Variants in CEBPZ observed in about 807,000 individuals in gnomAD.
CEBPZ encodes the protein CCAAT/enhancer-binding protein zeta.
Under a neutral mutation model 104.5 loss-of-function variants are expected in CEBPZ, and 78 were observed. That is an observed-to-expected ratio of 0.75 (90% CI 0.62 to 0.90). The LOEUF is 0.90. CEBPZ is among the 40% of genes least tolerant of loss of function. The pLI is 0.00. For missense variants in CEBPZ, 1,439 were observed against 1,233.5 expected (o/e 1.17, Z -2.50); for synonymous variants, 470 against 427.0 (o/e 1.10, Z -1.24).
At chr2:37,220,826 T>C (rs941487260) in intron 4 of CEBPZ, among the ~76,000 whole-genome samples, 9 of 151,640 alleles carry the variant, frequency 5.9e-5, no homozygotes, top group Admixed American at 1.3e-4. Context: ...CCCCATCTCT[T>C]ACAAAAAATA....
rs201335164 is a variant in CEBPZ, at chr2:37,228,779, C to T, written c.414G>A (p.Lys138=). The T allele has an allele frequency of 6.2e-7, 1 of 1,613,400 alleles. No individual in the cohort carries two copies. Among genetic ancestry groups the T allele is most frequent in the South Asian group, 1.1e-5 (1 of 90,802 alleles). ...GTTCTGGCCTATTCTTATTTTTCAC[C>T]TTATTAACTGATGTCCTTTGACTTT... ...TAESQRTSVN[K]VKNKNRPEPH... The change falls in exon 2 of 16, where the codon AAG becomes AAA. Residue 138 remains lysine (K), a synonymous_variant. Coordinates refer to ENST00000234170, the MANE Select transcript of CEBPZ (RefSeq NM_005760.3).
chr2:37,214,169 T>A (rs17020309), intron 9 of CEBPZ, among the ~76,000 whole-genome samples: 3,330 of 152,232 alleles, frequency 0.022, 72 homozygotes, highest in African/African-American at 0.061. Context: ...TGTAATACAT[T>A]TCAAAGATAA....
intron 13 of CEBPZ, 113 bp downstream of exon 13, chr2:37,210,886 C>A (rs1306214975): frequency 5.6e-6 from 3 of 540,236 alleles, no homozygotes; most frequent in Non-Finnish European, 9.1e-6. Flanking sequence ...AAAAAGAACC[C>A]CCCCCACCCC....
At chr2:37,202,151 C>A in intron 15 of CEBPZ, 1 of 259,142 alleles carries the variant, frequency 3.9e-6, no homozygotes, top group South Asian at 1.5e-4. Flanking sequence ...TCCCCAAGCA[C>A]TTTTACTGGT....
At chr2:37,207,665 T>G (rs1393398243) in intron 13 of CEBPZ, among the ~76,000 whole-genome samples, 1 of 152,128 alleles carries the variant, frequency 6.6e-6, no homozygotes, top group Non-Finnish European at 1.5e-5. Flanking sequence ...CTACATTTAG[T>G]AAGTTCACAG....
At chr2:37,223,109 C>CA in intron 3 of CEBPZ, 61 bp downstream of exon 3, 1 of 1,403,716 alleles carries the variant, frequency 7.1e-7, no homozygotes, top group East Asian at 2.3e-5. Context: ...CAAAGAAAAA[C>CA]AAAACAAAAA....
chr2:37,216,115 T>C, intron 8 of CEBPZ, 25 bp downstream of exon 8: 2 of 1,539,938 alleles, frequency 1.3e-6, no homozygotes, highest in South Asian at 2.3e-5. Context: ...CTTTTCAGTT[T>C]CAACTGTCTA....
chr2:37,227,749 T>C lies in CEBPZ; in HGVS notation c.1444A>G (p.Met482Val). 6.2e-7 allele frequency: 1 copy of C among 1,613,932 alleles called. No homozygotes were observed. The highest frequency in any genetic ancestry group is 8.5e-7 in the Non-Finnish European group (1 of 1,179,984). ...ACACCTGTTAAAAGGGCGCTAAGCA[T>C]TTTTGATTCAACATCTTTTTTTTTG... ...CVKKKDVESK[M>V]LSALLTGVNR... The change falls in exon 2 of 16, where the codon ATG becomes GTG. Residue 482 changes from methionine (M) to valine (V), a missense_variant. Physicochemically the swap from Met to Val is conservative, Grantham distance 21 (BLOSUM62 1). Coordinates refer to ENST00000234170, the MANE Select transcript of CEBPZ (RefSeq NM_005760.3).
intron 11 of CEBPZ, 86 bp downstream of exon 11, chr2:37,212,249 C>A: frequency 8.2e-7 from 1 of 1,217,660 alleles, no homozygotes; most frequent in Admixed American, 1.9e-5. Context: ...TCCCCTTTAT[C>A]ATATAGTTCT....
chr2:37,224,821 T>C (rs1002956160), intron 2 of CEBPZ, among the ~76,000 whole-genome samples: 2 of 152,176 alleles, frequency 1.3e-5, no homozygotes, highest in Admixed American at 6.5e-5. Flanking sequence ...AAACAAACAC[T>C]TTAAGAAGGC....
rs879745181 is a variant in CEBPZ, at chr2:37,212,073, G to T, written c.2604-34C>A. 53 of 1,538,038 alleles carry T rather than the reference G, an allele frequency of 3.4e-5. 1 individual carries two copies. The highest frequency in any genetic ancestry group is 4.6e-5 in the Non-Finnish European group (53 of 1,144,238). ...AAACACAACTTGTAATACAAGAGGAGGCAGTATTTTCTAAAGTAGTGTTTT... is the reference window on the plus strand; with the variant it reads ...AAACACAACTTGTAATACAAGAGGATGCAGTATTTTCTAAAGTAGTGTTTT... On this transcript the variant is annotated intron_variant, in intron 11 of 15. Coordinates refer to ENST00000234170, the MANE Select transcript of CEBPZ (RefSeq NM_005760.3).
intron 2 of CEBPZ, among the ~76,000 whole-genome samples, chr2:37,225,111 T>C (rs1320464393): frequency 6.6e-6 from 1 of 152,200 alleles, no homozygotes; most frequent in Non-Finnish European, 1.5e-5. Flanking sequence ...CCTCTACATT[T>C]TCAGCCTTGG....
intron 5 of CEBPZ, 92 bp from the exon 6 acceptor site, chr2:37,217,129 G>A: frequency 9.8e-7 from 1 of 1,017,994 alleles, no homozygotes; most frequent in Non-Finnish European, 1.5e-6. Flanking sequence ...TGGGTGTGGT[G>A]GCTCACACCT....
chr2:37,216,913 G>T lies in CEBPZ; in HGVS notation c.2208+71C>A. On this transcript the variant is annotated intron_variant, in intron 6 of 15. Coordinates refer to ENST00000234170, the MANE Select transcript of CEBPZ (RefSeq NM_005760.3). ...CTCTCTGTTAGAGAAAACACTGTAT[G>T]ACCAATTATTGATTATCTAAAATGA... 4 of 1,240,380 alleles carry T rather than the reference G, an allele frequency of 3.2e-6. No individual in the cohort carries two copies. In the South Asian group the frequency reaches 5.0e-5, roughly 16 times the overall value. 76.8% of individuals were successfully genotyped at this position (1,240,380 alleles called of 1,614,324 possible).
At chr2:37,215,807 A>C (rs1677853101) in intron 8 of CEBPZ, among the ~76,000 whole-genome samples, 1 of 152,198 alleles carries the variant, frequency 6.6e-6, no homozygotes, top group Non-Finnish European at 1.5e-5. Context: ...GTAAGCAATA[A>C]TAATTATATA....
chr2:37,202,094 G>T (rs940736434), intron 15 of CEBPZ, 191 bp from the exon 16 acceptor site: 8 of 379,810 alleles, frequency 2.1e-5, no homozygotes, highest in African/African-American at 1.0e-4. Context: ...GTTTCAAAAA[G>T]AAATGACTAA....
intron 13 of CEBPZ, among the ~76,000 whole-genome samples, chr2:37,206,492 G>C (rs1282437229): frequency 2.0e-5 from 3 of 152,166 alleles, no homozygotes; most frequent in Non-Finnish European, 4.4e-5. Flanking sequence ...TCAGTAGCTG[G>C]GATTATAGGG....
chr2:37,211,776 A>T, intron 12 of CEBPZ, 67 bp downstream of exon 12: 1 of 1,245,378 alleles, frequency 8.0e-7, no homozygotes, highest in Non-Finnish European at 1.1e-6. Flanking sequence ...CCTTTAGCAG[A>T]AAAACAAACT....
intron 3 of CEBPZ, 61 bp downstream of exon 3, chr2:37,223,109 C>A: frequency 7.1e-7 from 1 of 1,403,716 alleles, no homozygotes; most frequent in Non-Finnish European, 9.9e-7. Context: ...CAAAGAAAAA[C>A]AAAACAAAAA....
Sources: gnomAD v4.1 joint callset for allele counts (sites outside exome capture counted in the v4.1 genomes callset) on GRCh38, gnomAD v4.1.1 for gene constraint, MANE v1.5 for transcripts, NCBI Gene and HGNC (gene_info 2026-07-23, HGNC 2026-07-21) for gene names.